FRMD6: variants seen among roughly 807,000 people sequenced by gnomAD.
FRMD6 encodes FERM domain-containing protein 6.
Under a neutral mutation model 73.2 loss-of-function variants are expected in FRMD6, and 37 were observed. The ratio of observed to expected loss-of-function variants is 0.51; its 90% CI spans 0.39 to 0.66. FRMD6 has a LOEUF of 0.66. FRMD6 is among the 30% of genes least tolerant of loss of function. The pLI is 0.00. For missense variants in FRMD6, 714 were observed against 780.5 expected (o/e 0.91, Z 1.02); for synonymous variants, 273 against 282.2 (o/e 0.97, Z 0.33).
chr14:51,627,005 A>G (rs1891141551), intron 2 of FRMD6, among the ~76,000 whole-genome samples: 1 of 152,234 alleles, frequency 6.6e-6, no homozygotes, highest in African/African-American at 2.4e-5. Flanking sequence ...TTTTAAAACT[A>G]CTTTCACTTT....
At chr14:51,608,399 A>G (rs1890350702) in intron 2 of FRMD6, among the ~76,000 whole-genome samples, 1 of 152,210 alleles carries the variant, frequency 6.6e-6, no homozygotes, top group Admixed American at 6.5e-5. Context: ...TGGCTGTAGT[A>G]GTAATTACAA....
upstream of FRMD6, among the ~76,000 whole-genome samples, chr14:51,647,859 CTT>C (rs1594650793): frequency 6.6e-6 from 1 of 152,016 alleles, no homozygotes; most frequent in Non-Finnish European, 1.5e-5. Context: ...GAGTTTTGCT[CTT>C]GTTGCCTAGG....
At chr14:51,610,993 G>A (rs1323292709) in intron 2 of FRMD6, among the ~76,000 whole-genome samples, 1 of 152,214 alleles carries the variant, frequency 6.6e-6, no homozygotes. Context: ...GAAATTGGAT[G>A]TGGGTCTTGC....
chr14:51,727,065 C>T (rs372918918), intron 13 of FRMD6, among the ~76,000 whole-genome samples: 8 of 151,932 alleles, frequency 5.3e-5, no homozygotes, highest in Non-Finnish European at 7.4e-5. Flanking sequence ...CAGCATTTGG[C>T]GGAACCCCCC....
intron 1 of FRMD6, among the ~76,000 whole-genome samples, chr14:51,510,495 C>A (rs1369940091): frequency 6.6e-6 from 1 of 152,092 alleles, no homozygotes; most frequent in East Asian, 1.9e-4. Context: ...CTAAAAGAAT[C>A]CAATATATTT....
At chr14:51,660,567 C>T (rs1938148413) in intron 1 of FRMD6, among the ~76,000 whole-genome samples, 1 of 149,148 alleles carries the variant, frequency 6.7e-6, no homozygotes, top group Non-Finnish European at 1.5e-5. Flanking sequence ...CTAGGATATG[C>T]CAGGCACTGG....
chr14:51,633,598 CAAAAAAAAAAA>C, intron 2 of FRMD6, among the ~76,000 whole-genome samples: 1 of 45,866 alleles, frequency 2.2e-5, no homozygotes, highest in Admixed American at 3.1e-4. Context: ...AAGACCCTGT[CAAAAAAAAAAA>C]AAAAAAAAAA....
At chr14:51,690,008 A>C in intron 2 of FRMD6, 73 bp downstream of exon 2, 4 of 962,894 alleles carry the variant, frequency 4.2e-6, no homozygotes, top group Non-Finnish European at 6.7e-6. Context: ...TTATGACTTG[A>C]TTAAGGGTGA....
At chr14:51,668,643 T>C (rs1227807370) in intron 1 of FRMD6, among the ~76,000 whole-genome samples, 1 of 150,950 alleles carries the variant, frequency 6.6e-6, no homozygotes, top group Non-Finnish European at 1.5e-5. Context: ...TGCAGGAGGC[T>C]GTGAAGCTCG....
At chr14:51,438,825 G>A in the FRMD6 span, among the ~76,000 whole-genome samples, 9 of 152,286 alleles carry the variant, frequency 5.9e-5, no homozygotes, top group Admixed American at 5.9e-4. Flanking sequence ...TAGACCTGGT[G>A]CTTTAATGCC....
At chr14:51,701,238 A>G in intron 4 of FRMD6, 79 bp downstream of exon 4, 1 of 730,818 alleles carries the variant, frequency 1.4e-6, no homozygotes, top group Non-Finnish European at 2.2e-6. Context: ...ATTAGAAGAA[A>G]ACTGTAAGCA....
intron 1 of FRMD6, among the ~76,000 whole-genome samples, chr14:51,543,850 C>T (rs887657691): frequency 3.3e-5 from 5 of 151,994 alleles, no homozygotes; most frequent in African/African-American, 4.8e-5. Context: ...GTGGACCGAA[C>T]TAGAATAGAC....
At chr14:51,574,340 C>T (rs34562725) in intron 2 of FRMD6, among the ~76,000 whole-genome samples, 1 of 152,308 alleles carries the variant, frequency 6.6e-6, no homozygotes, top group South Asian at 2.1e-4. Context: ...AGACTCTATC[C>T]ACAGAGCCTT....
chr14:51,695,978 C>T (rs1213975989), intron 2 of FRMD6, among the ~76,000 whole-genome samples: 2 of 151,866 alleles, frequency 1.3e-5, no homozygotes, highest in African/African-American at 4.8e-5. Context: ...GTCATTAATT[C>T]AGAGTTAATT....
At chr14:51,406,148 C>T in the FRMD6 span, among the ~76,000 whole-genome samples, 608 of 151,770 alleles carry the variant, frequency 4.0e-3, 2 homozygotes, top group East Asian at 8.7e-3. Context: ...CATAGGTGAG[C>T]GGTCTTATTT....
At chr14:51,531,470 A>C (rs1332623513) in intron 1 of FRMD6, among the ~76,000 whole-genome samples, 1 of 152,188 alleles carries the variant, frequency 6.6e-6, no homozygotes, top group Non-Finnish European at 1.5e-5. Context: ...CACAAGGAGA[A>C]ATGACAACTA....
chr14:51,421,735 C>G, the FRMD6 span, among the ~76,000 whole-genome samples: 1 of 152,246 alleles, frequency 6.6e-6, no homozygotes, highest in Admixed American at 6.5e-5. Context: ...TGAACCCCAG[C>G]TGGTCTATTT....
In FRMD6 at chr14:51,721,970, A is replaced by AC. The variant is rs1183225790; in HGVS notation, c.1387dup (p.Arg463ProfsTer8). ...TCAGAAATAGAGATGTTGGTTGATGACCCCCGGGATCTGGAGCAGATGAAT... is the reference window on the plus strand; with the variant it reads ...TCAGAAATAGAGATGTTGGTTGATGACCCCCCGGGATCTGGAGCAGATGAAT... On this transcript the variant is annotated frameshift_variant, in exon 12 of 14. Transcript: ENST00000344768. LOFTEE classifies it high-confidence loss of function. 6.2e-7 allele frequency: 1 copy of AC among 1,613,136 alleles called. No homozygotes were observed. Among genetic ancestry groups the AC allele is most frequent in the African/African-American group, 1.3e-5 (1 of 74,766 alleles).
intron 7 of FRMD6, among the ~76,000 whole-genome samples, chr14:51,709,126 T>C (rs1307162086): frequency 6.6e-6 from 1 of 152,160 alleles, no homozygotes; most frequent in African/African-American, 2.4e-5. Flanking sequence ...ACTTAAGTAT[T>C]CAAAGGTGTA....
Sources: gnomAD v4.1 joint callset for allele counts (sites outside exome capture counted in the v4.1 genomes callset) on GRCh38, gnomAD v4.1.1 for gene constraint, MANE v1.5 for transcripts, NCBI Gene and HGNC (gene_info 2026-07-23, HGNC 2026-07-21) for gene names.